UTP20: variants seen among roughly 807,000 people sequenced by gnomAD.
The protein encoded by UTP20 is small subunit processome component 20 homolog.
In UTP20, 164 loss-of-function variants were observed where a neutral mutation model predicts 329.5. That is an observed-to-expected ratio of 0.50 (90% confidence interval 0.44 to 0.57). The LOEUF (loss-of-function observed/expected upper bound fraction) is 0.57. UTP20 is among the 20% of genes least tolerant of loss of function. The probability of loss-of-function intolerance (pLI) is 0.00; values close to 1 mark genes in which losing one functional copy is unlikely to be tolerated. For synonymous variants in UTP20, 1,151 were observed against 1,159.3 expected, an observed-to-expected ratio of 0.99 and a Z score of 0.14; for missense variants, 3,055 against 3,284.2, an observed-to-expected ratio of 0.93 and a Z score of 1.71.
At chr12:101,341,225 G>A (rs949776429) in intron 32 of UTP20, among the ~76,000 whole-genome samples, 15 of 151,992 alleles carry the variant, frequency 9.9e-5, no homozygotes, top group South Asian at 2.1e-4. Flanking sequence ...TGATCTGCCC[G>A]CCTCGGCCTC....
At chr12:101,352,233 T>C in intron 39 of UTP20, 39 bp downstream of exon 39, 1 of 1,583,882 alleles carries the variant, frequency 6.3e-7, no homozygotes, top group Non-Finnish European at 8.6e-7. Flanking sequence ...GTTTTTTAAA[T>C]GTAATTTATG....
Position 101,312,053 on chromosome 12 carries a change from GAT to G in UTP20, c.2332_2333del (p.Met778AspfsTer3). The G allele has an allele frequency of 6.2e-7, 1 of 1,614,218 alleles. No individual in the cohort carries two copies. Among genetic ancestry groups the G allele is most frequent in the East Asian group, 2.2e-5 (1 of 44,886 alleles). On this transcript the variant is annotated frameshift_variant, in exon 21 of 62. Coordinates refer to ENST00000261637, the MANE Select transcript of UTP20 (RefSeq NM_014503.3). LOFTEE classifies it high-confidence loss of function. Reference protein sequence around the residue: ...ATHAEKELQNDMTDEKSVGDE... With the variant: ...ATHAEKELQNXMTDEKSVGDE... ...TCTTGCAGAGAAGGAACTACAGAAT[GAT>G]ATGACAGATGAGAAGTCCGTTGGAG... is the stretch of plus-strand genomic sequence containing the variant.
chr12:101,380,882 A>AG (rs925496950), intron 57 of UTP20, among the ~76,000 whole-genome samples: 1 of 151,592 alleles, frequency 6.6e-6, no homozygotes, highest in African/African-American at 2.4e-5. Context: ...AAAAAAAAAA[A>AG]AAAATGTAGA....
At chr12:101,302,397 A>G in intron 14 of UTP20, 51 bp from the exon 15 acceptor site, 1 of 1,124,864 alleles carries the variant, frequency 8.9e-7, no homozygotes, top group Non-Finnish European at 1.3e-6. Context: ...TTGATAGTTA[A>G]TAATGTCAAA....
At chr12:101,317,115 C>T (rs989700381) in intron 21 of UTP20, among the ~76,000 whole-genome samples, 1 of 152,196 alleles carries the variant, frequency 6.6e-6, no homozygotes, top group African/African-American at 2.4e-5. Flanking sequence ...GTGACCAGCA[C>T]AGTCCTAATG....
intron 2 of UTP20, among the ~76,000 whole-genome samples, chr12:101,285,269 T>C (rs1169880954): frequency 6.6e-6 from 1 of 152,208 alleles, no homozygotes; most frequent in Non-Finnish European, 1.5e-5. Context: ...CAACACCTTA[T>C]TCTTTGCCTA....
At chr12:101,326,370 C>A (rs1417750649) in intron 25 of UTP20, among the ~76,000 whole-genome samples, 2 of 152,058 alleles carry the variant, frequency 1.3e-5, no homozygotes, top group Non-Finnish European at 2.9e-5. Flanking sequence ...AAGACTGTTT[C>A]CCTCTTTCTC....
intron 2 of UTP20, among the ~76,000 whole-genome samples, chr12:101,282,436 C>T (rs961194908): frequency 6.6e-6 from 1 of 150,982 alleles, no homozygotes; most frequent in African/African-American, 2.4e-5. Context: ...CAAAGCAGTC[C>T]AGTGTGGTTA....
At chr12:101,285,665 C>T (rs773256208) in intron 3 of UTP20, 29 bp downstream of exon 3, 1 of 1,613,510 alleles carries the variant, frequency 6.2e-7, no homozygotes, top group Non-Finnish European at 8.5e-7. Flanking sequence ...CTATTTTATT[C>T]ACCCATAGTT....
chr12:101,327,215 TGC>T lies in UTP20; in HGVS notation c.3177_3178del (p.Leu1060ValfsTer2), dbSNP rs1868592718. On this transcript the variant is annotated frameshift_variant, in exon 26 of 62. Coordinates refer to ENST00000261637, the MANE Select transcript of UTP20 (RefSeq NM_014503.3). LOFTEE classifies it high-confidence loss of function. Reference sequence around the variant, plus strand: ...GAGGAGATCCAGATATTCTTAGACCTGCTGTTTGAACCTGTGAGGCATTTCAA... The same window carrying T: ...GAGGAGATCCAGATATTCTTAGACCTTGTTTGAACCTGTGAGGCATTTCAA... 6.2e-7 allele frequency: 1 copy of T among 1,604,968 alleles called. No homozygotes were observed. The highest frequency in any genetic ancestry group is 8.5e-7 in the Non-Finnish European group (1 of 1,172,750).
intron 35 of UTP20, among the ~76,000 whole-genome samples, chr12:101,343,764 G>C (rs1231539442): frequency 6.6e-6 from 1 of 152,136 alleles, no homozygotes; most frequent in Non-Finnish European, 1.5e-5. Flanking sequence ...CGCCCATCTT[G>C]GCCTCCCAAA....
In UTP20 at chr12:101,299,679, C is replaced by A. The variant is rs763254857; in HGVS notation, c.1431-3C>A. 3 of 1,567,426 alleles carry A rather than the reference C, an allele frequency of 1.9e-6. No homozygotes were observed. The highest frequency in any genetic ancestry group is 2.6e-6 in the Non-Finnish European group (3 of 1,162,796). On this transcript the variant is annotated splice_polypyrimidine_tract_variant and splice_region_variant and intron_variant, in intron 12 of 61. Coordinates refer to ENST00000261637, the MANE Select transcript of UTP20 (RefSeq NM_014503.3). ...ATTTTAAACATTTTTTTTAATCCTT[C>A]AGATTCTATATAAAGCAGAAGAAGA... is the stretch of plus-strand genomic sequence containing the variant.
chr12:101,286,742 C>T (rs1354783027), intron 5 of UTP20, among the ~76,000 whole-genome samples: 2 of 151,994 alleles, frequency 1.3e-5, no homozygotes. Flanking sequence ...TCGGTCCCTA[C>T]AGCCTCCACA....
chr12:101,360,194 C>G (rs1869865020), intron 43 of UTP20, among the ~76,000 whole-genome samples: 1 of 152,128 alleles, frequency 6.6e-6, no homozygotes, highest in South Asian at 2.1e-4. Context: ...CAAAATTGTT[C>G]TCTTCGAGCA....
At chr12:101,369,078 G>A (rs560172520) in intron 48 of UTP20, among the ~76,000 whole-genome samples, 5 of 152,270 alleles carry the variant, frequency 3.3e-5, no homozygotes, top group African/African-American at 9.6e-5. Flanking sequence ...ATAGTCAATT[G>A]TTCCCGTGCC....
At chr12:101,359,040 G>A (rs891584410) in intron 43 of UTP20, among the ~76,000 whole-genome samples, 1 of 151,890 alleles carries the variant, frequency 6.6e-6, no homozygotes, top group Non-Finnish European at 1.5e-5. Context: ...TGAAGACTTC[G>A]GCCAGTATTT....
chr12:101,310,051 G>T (rs1337891506), intron 19 of UTP20, among the ~76,000 whole-genome samples: 1 of 152,134 alleles, frequency 6.6e-6, no homozygotes, highest in African/African-American at 2.4e-5. Flanking sequence ...TATTATACGT[G>T]TGTCTCTTTG....
chr12:101,320,255 T>C (rs1873105932), intron 23 of UTP20, among the ~76,000 whole-genome samples: 1 of 152,096 alleles, frequency 6.6e-6, no homozygotes, highest in African/African-American at 2.4e-5. Context: ...CAGATTCACA[T>C]AGAGAATCGG....
intron 48 of UTP20, among the ~76,000 whole-genome samples, chr12:101,368,282 A>G (rs1223192802): frequency 1.3e-5 from 2 of 151,618 alleles, no homozygotes; most frequent in Non-Finnish European, 2.9e-5. Context: ...ACAGACGCAC[A>G]CCACCACGCC....
Sources: gnomAD v4.1 joint callset for allele counts (sites outside exome capture counted in the v4.1 genomes callset) on GRCh38, gnomAD v4.1.1 for gene constraint, MANE v1.5 for transcripts, NCBI Gene and HGNC (gene_info 2026-07-23, HGNC 2026-07-21) for gene names.